Variants in TENM2 observed in about 807,000 individuals in gnomAD.
The protein encoded by TENM2 is teneurin-2.
A neutral mutation model predicts 245.2 loss-of-function variants in TENM2; 52 were observed. The ratio of observed to expected loss-of-function variants is 0.21; its 90% CI spans 0.17 to 0.27. The LOEUF (loss-of-function observed/expected upper bound fraction) is 0.27. TENM2 is among the 10% of genes least tolerant of loss of function. The probability of loss-of-function intolerance (pLI) is 1.00; values close to 1 mark genes in which losing one functional copy is unlikely to be tolerated. For missense variants in TENM2, 3,046 were observed against 3,666.8 expected (o/e 0.83, Z 4.37); for synonymous variants, 1,363 against 1,438.9 (o/e 0.95, Z 1.19).
intron 2 of TENM2, among the ~76,000 whole-genome samples, chr5:167,474,939 G>A (rs369953533): frequency 5.3e-5 from 8 of 151,976 alleles, no homozygotes; most frequent in African/African-American, 1.5e-4. Context: ...TACTGATTTC[G>A]GTTTAATCAG....
chr5:168,189,056 G>A (rs1007198505), intron 13 of TENM2, among the ~76,000 whole-genome samples: 1 of 152,162 alleles, frequency 6.6e-6, no homozygotes, highest in East Asian at 1.9e-4. Context: ...TTGATAGACT[G>A]CAGTCTTCTT....
chr5:167,617,036 T>A (rs1434512623), intron 2 of TENM2, among the ~76,000 whole-genome samples: 1 of 152,200 alleles, frequency 6.6e-6, no homozygotes, highest in African/African-American at 2.4e-5. Flanking sequence ...CTGTAAACAT[T>A]ACACAAGTAT....
At chr5:167,153,676 TATATATAC>T in the TENM2 span, among the ~76,000 whole-genome samples, 1 of 151,852 alleles carries the variant, frequency 6.6e-6, no homozygotes, top group African/African-American at 2.4e-5. Flanking sequence ...AATATATATA[TATATATAC>T]ACACACACAC....
chr5:168,121,386 G>A lies in TENM2; in HGVS notation c.2008+2900G>A, dbSNP rs180889687. Among the ~76,000 whole-genome samples, 25 of 152,272 alleles carry A rather than the reference G, an allele frequency of 1.6e-4. No homozygotes were observed. In the East Asian group the frequency reaches 4.0e-3, roughly 25 times the overall value. On this transcript the variant is annotated intron_variant, in intron 10 of 28. Transcript: ENST00000518659. ...GGCCACAAGAGCATCTTAGGAAATC[G>A]GAACCAAATTTAAAATTCATAGTAA...
chr5:167,200,739 C>T, the TENM2 span, among the ~76,000 whole-genome samples: 1 of 152,040 alleles, frequency 6.6e-6, no homozygotes, highest in Non-Finnish European at 1.5e-5. Flanking sequence ...ACTTCAGTAG[C>T]CCAACTTTCA....
chr5:167,890,377 A>G (rs1007927547), intron 3 of TENM2, among the ~76,000 whole-genome samples: 1 of 152,170 alleles, frequency 6.6e-6, no homozygotes, highest in Admixed American at 6.6e-5. Context: ...ATGATATTAA[A>G]TAATAATCAT....
intron 2 of TENM2, among the ~76,000 whole-genome samples, chr5:167,872,410 GAGAA>G (rs765265020): frequency 8.3e-4 from 125 of 150,416 alleles, no homozygotes; most frequent in African/African-American, 2.9e-3. Flanking sequence ...AAGAAAAAAA[GAGAA>G]AGAGAGAGAC....
At chr5:167,981,409 G>C (rs1675870507) in intron 4 of TENM2, among the ~76,000 whole-genome samples, 1 of 152,212 alleles carries the variant, frequency 6.6e-6, no homozygotes, top group Admixed American at 6.5e-5. Context: ...ATCAAAAGTT[G>C]TGTTTTGGTC....
chr5:167,398,377 C>CCTTTCTTTCTTTCTTTCTTTCTTT (rs33991275), intron 2 of TENM2, among the ~76,000 whole-genome samples: 89 of 137,134 alleles, frequency 6.5e-4, no homozygotes, highest in African/African-American at 2.3e-3. Flanking sequence ...TTTCTTTCTT[C>CCTTTCTTTCTTTCTTTCTTTCTTT]CTTTCTTTCT....
the TENM2 span, among the ~76,000 whole-genome samples, chr5:167,014,490 T>C: frequency 2.0e-5 from 3 of 152,246 alleles, no homozygotes; most frequent in Admixed American, 1.3e-4. Context: ...ATAGGAAAGA[T>C]GATCGTGTTG....
At chr5:167,446,128 G>A (rs1765192119) in intron 2 of TENM2, among the ~76,000 whole-genome samples, 1 of 152,054 alleles carries the variant, frequency 6.6e-6, no homozygotes, top group Admixed American at 6.6e-5. Context: ...AATAAAGACT[G>A]ATATTTAAAT....
intron 2 of TENM2, among the ~76,000 whole-genome samples, chr5:167,533,182 T>C (rs983590742): frequency 6.6e-6 from 1 of 152,108 alleles, no homozygotes; most frequent in Admixed American, 6.6e-5. Flanking sequence ...AAAGATAGTA[T>C]GGCTTGGGTA....
At chr5:167,137,335 C>T in the TENM2 span, among the ~76,000 whole-genome samples, 1 of 152,184 alleles carries the variant, frequency 6.6e-6, no homozygotes, top group Non-Finnish European at 1.5e-5. Flanking sequence ...AAATCAGACT[C>T]ACTTTTTTAA....
chr5:167,651,679 G>A (rs888189525), intron 2 of TENM2, among the ~76,000 whole-genome samples: 7 of 152,158 alleles, frequency 4.6e-5, no homozygotes, highest in African/African-American at 2.4e-5. Context: ...ATATCACTCT[G>A]CCCTGTGGGA....
intron 2 of TENM2, among the ~76,000 whole-genome samples, chr5:167,841,939 ATATT>A (rs1279608340): frequency 1.3e-5 from 2 of 152,020 alleles, no homozygotes; most frequent in African/African-American, 2.4e-5. Flanking sequence ...ATATGTATGT[ATATT>A]TATATGTTTT....
At chr5:168,052,428 G>A (rs1789182015) in intron 6 of TENM2, among the ~76,000 whole-genome samples, 1 of 151,316 alleles carries the variant, frequency 6.6e-6, no homozygotes. Context: ...ACATATATAT[G>A]TGTATGTATG....
intron 1 of TENM2, among the ~76,000 whole-genome samples, chr5:167,339,187 T>C (rs1757952614): frequency 6.6e-6 from 1 of 152,222 alleles, no homozygotes; most frequent in African/African-American, 2.4e-5. Context: ...CAGATATGAA[T>C]GAGACTCAAT....
chr5:167,792,535 A>C (rs1022603051), intron 2 of TENM2, among the ~76,000 whole-genome samples: 3 of 151,976 alleles, frequency 2.0e-5, no homozygotes, highest in African/African-American at 7.2e-5. Flanking sequence ...TCGAGACTTG[A>C]AGACAACGTG....
chr5:167,353,500 GTTTTTTTTTTTTTT>G (rs59240930), intron 1 of TENM2, among the ~76,000 whole-genome samples: 1 of 79,440 alleles, frequency 1.3e-5, no homozygotes, highest in Non-Finnish European at 2.1e-5. Context: ...TGTTGTTGTT[GTTTTTTTTTTTTTT>G]TTTTTTTTTT....
Sources: allele counts gnomAD v4.1 joint callset (sites outside exome capture counted in the v4.1 genomes callset), GRCh38; gene constraint gnomAD v4.1.1; transcripts MANE v1.5; gene names NCBI Gene and HGNC (gene_info 2026-07-23, HGNC 2026-07-21).